TELO2: variants seen among roughly 807,000 people sequenced by gnomAD.
The protein encoded by TELO2 is telomere length regulation protein TEL2 homolog.
In TELO2, 71 loss-of-function variants were observed where a neutral mutation model predicts 91.0. That is an observed-to-expected ratio of 0.78 (90% CI 0.64 to 0.95). The LOEUF (loss-of-function observed/expected upper bound fraction) is 0.95. Among genes scored for constraint, TELO2 ranks in the 40% least tolerant of loss-of-function variants. The probability of loss-of-function intolerance (pLI) is 0.00; values close to 1 mark genes in which losing one functional copy is unlikely to be tolerated. For synonymous variants in TELO2, 584 were observed against 518.9 expected, an observed-to-expected ratio of 1.13 and a Z score of -1.71; for missense variants, 1,183 against 1,141.3, an observed-to-expected ratio of 1.04 and a Z score of -0.53.
rs532227153 is a variant in TELO2, at chr16:1,505,182, G to A, written c.1843-228G>A. On this transcript the variant is annotated intron_variant, in intron 15 of 20. Transcript: ENST00000262319. The surrounding 1 kb of genome is among the most constrained non-coding windows in gnomAD (Gnocchi z 4.3). The stretch of plus-strand genomic sequence containing the variant: ...GATGAGGCTGCGCTCGGCCCTGGGC[G>A]TGTTCTCATCTCCTGGAGCACGGTG... The A allele has an allele frequency of 4.5e-5, 25 of 550,576 alleles. No homozygotes were observed. The highest frequency in any genetic ancestry group is 1.6e-4 in the Admixed American group (5 of 32,102). The allele number at this position is 550,576 out of a possible 1,614,324, so 34.1% of individuals were successfully genotyped here.
intron 15 of TELO2, among the ~76,000 whole-genome samples, chr16:1,504,156 C>A (rs556803296): frequency 4.4e-4 from 66 of 149,024 alleles, no homozygotes; most frequent in Admixed American, 3.1e-3. Context: ...AAAAAGCAGC[C>A]GGCCACGGCG....
chr16:1,506,532 C>T lies in TELO2; in HGVS notation c.2126+203C>T, dbSNP rs2039898917. 17 of 1,438,190 alleles carry T rather than the reference C, an allele frequency of 1.2e-5. No individual in the cohort carries two copies. The South Asian group carries it at 2.5e-4, about 21-fold the overall frequency. The allele number at this position is 1,438,190 out of a possible 1,614,324, so 89.1% of individuals were successfully genotyped here. Reference sequence around the variant, plus strand: ...GTGGTTGAGCTTTGCCATGAGGCACCAGGCATCTGCTCCGATGCTGGGCTT... The same window carrying T: ...GTGGTTGAGCTTTGCCATGAGGCACTAGGCATCTGCTCCGATGCTGGGCTT... On this transcript the variant is annotated intron_variant, in intron 17 of 20. Coordinates refer to ENST00000262319, the MANE Select transcript of TELO2 (RefSeq NM_016111.4).
chr16:1,502,141 C>T lies in TELO2; in HGVS notation c.1561+6C>T, dbSNP rs1187975745. On this transcript the variant is annotated splice_donor_region_variant and intron_variant, in intron 12 of 20. Coordinates refer to ENST00000262319, the MANE Select transcript of TELO2 (RefSeq NM_016111.4). Reference sequence around the variant, plus strand: ...CGTCCGGGACTGCGTGGAAGGTGGGCACGGGCCCCTGGAGGGCCTTGCTGG... The same window carrying T: ...CGTCCGGGACTGCGTGGAAGGTGGGTACGGGCCCCTGGAGGGCCTTGCTGG... 6.2e-7 allele frequency: 1 copy of T among 1,612,656 alleles called. No homozygotes were observed. The highest frequency in any genetic ancestry group is 1.7e-5 in the Admixed American group (1 of 60,020).
intron 7 of TELO2, 79 bp from the exon 8 acceptor site, chr16:1,500,268 C>G (rs2039629466): frequency 6.5e-7 from 1 of 1,530,716 alleles, no homozygotes; most frequent in Admixed American, 2.0e-5. Flanking sequence ...TGGGGCGGAG[C>G]TCCCTCAGAG....
chr16:1,506,828 G>A, intron 17 of TELO2, 124 bp from the exon 18 acceptor site: 1 of 1,434,090 alleles, frequency 7.0e-7, no homozygotes, highest in Non-Finnish European at 9.1e-7. Flanking sequence ...CTCGGTGCAG[G>A]CAAGGCGGTG....
rs1259277848 is a variant in TELO2, at chr16:1,506,299, T to A, written c.2096T>A (p.Phe699Tyr). 1.9e-6 allele frequency: 3 copies of A among 1,613,952 alleles called. No homozygotes were observed. Among genetic ancestry groups the A allele is most frequent in the Non-Finnish European group, 2.5e-6 (3 of 1,179,940 alleles). ...AGATTCAACTCCGTGGCCGGCCACTTCTTCTTCCCCCTCCTTCAGCGCTTT... is the reference window on the plus strand; with the variant it reads ...AGATTCAACTCCGTGGCCGGCCACTACTTCTTCCCCCTCCTTCAGCGCTTT... ...PSRFNSVAGHFFFPLLQRFDR... is the reference protein window; with the variant it reads ...PSRFNSVAGHYFFPLLQRFDR... The change falls in exon 17 of 21, where the codon TTC (phenylalanine) becomes TAC (tyrosine). Residue 699 changes from phenylalanine (F) to tyrosine (Y), a missense_variant. Transcript: ENST00000262319.
intron 20 of TELO2, among the ~76,000 whole-genome samples, chr16:1,508,115 G>A (rs565350758): frequency 8.2e-5 from 12 of 146,156 alleles, no homozygotes; most frequent in African/African-American, 2.5e-4. Flanking sequence ...CCCTCCGGCC[G>A]GTGCAGTCCT....
At chr16:1,504,309 C>T (rs1596265697) in intron 15 of TELO2, among the ~76,000 whole-genome samples, 2 of 150,322 alleles carry the variant, frequency 1.3e-5, no homozygotes, top group African/African-American at 2.4e-5. Context: ...TGGTGCATGC[C>T]TGTAGTCCCA....
rs1268215382 is a variant in TELO2, at chr16:1,500,626, G to A, written c.1208G>A (p.Arg403Gln). 11 of 1,612,474 alleles carry A rather than the reference G, an allele frequency of 6.8e-6. No individual in the cohort carries two copies. The highest frequency in any genetic ancestry group is 6.7e-5 in the African/African-American group (5 of 75,048). ...CRLDSSLPPVRRLGMIVAEVV... is the reference protein window; with the variant it reads ...CRLDSSLPPVQRLGMIVAEVV... Reference sequence around the variant, plus strand: ...CTGGACAGTAGCCTGCCCCCCGTGCGACGCCTGGGCATGATCGTGGCAGAG... The same window carrying A: ...CTGGACAGTAGCCTGCCCCCCGTGCAACGCCTGGGCATGATCGTGGCAGAG... Residue 403 changes from arginine (R) to glutamine (Q), a missense_variant, in exon 9 of 21, where the codon CGA becomes CAA. Transcript: ENST00000262319.
intron 13 of TELO2, 114 bp from the exon 14 acceptor site, chr16:1,502,531 G>GC: frequency 5.3e-6 from 8 of 1,501,512 alleles, no homozygotes; most frequent in Non-Finnish European, 7.2e-6. Flanking sequence ...CTCCCGGGGG[G>GC]CCTGCGGCCT....
At position 1,494,202 on chromosome 16, in the gene TELO2, G is replaced by A. The variant is rs1596246427; in HGVS notation, c.-36-44G>A. ...CCGAGGGGCTTCCTGAGCTTGTGTG[G>A]ATTATTTCCGTGCCCCAAGCTGAGC... On this transcript the variant is annotated intron_variant, in intron 1 of 20. Transcript: ENST00000262319. This position sits in a 1 kb window ranked among gnomAD's most constrained non-coding sequence, Gnocchi z 5.6. 10 of 1,398,268 alleles carry A rather than the reference G, an allele frequency of 7.2e-6. No homozygotes were observed. The highest frequency in any genetic ancestry group is 9.8e-6 in the Non-Finnish European group (10 of 1,016,848). The allele number at this position is 1,398,268 out of a possible 1,614,324, so 86.6% of individuals were successfully genotyped here. A position where few individuals can be genotyped will look rare whatever the true frequency, so the allele number is the denominator to read the frequency against.
In TELO2 at chr16:1,507,624, C is replaced by T. The variant is rs771006115; in HGVS notation, c.2315C>T (p.Ser772Leu). Residue 772 changes from serine to leucine, a missense_variant, in exon 20 of 21, where the codon TCG becomes TTG. Ser to Leu is a moderately radical substitution (Grantham distance 145). Coordinates refer to ENST00000262319, the MANE Select transcript of TELO2 (RefSeq NM_016111.4). The stretch of plus-strand genomic sequence containing the variant: ...AGCTACGTGCGCCAGGGGCTGTTGT[C>T]GGCCGTCTCCTCCGTCCTGCTCAGC... ...IDAYVRQGLL[S>L]AVSSVLLSLP... The T allele has an allele frequency of 2.8e-5, 44 of 1,595,180 alleles. No homozygotes were observed. Among genetic ancestry groups the T allele is most frequent in the East Asian group, 1.1e-4 (5 of 44,672 alleles).
At position 1,494,654 on chromosome 16, in the gene TELO2, C is replaced by T; in HGVS notation, c.335+38C>T. 1.3e-6 allele frequency: 2 copies of T among 1,576,620 alleles called. No homozygotes were observed. The highest frequency in any genetic ancestry group is 1.1e-5 in the South Asian group (1 of 87,068). ...GGCCCATCCTGGGGTTGCCGGTAGC[C>T]TCAGAAGTGATGAGAGTGGCTTGAA... On this transcript the variant is annotated intron_variant, in intron 2 of 20. Transcript: ENST00000262319. The surrounding 1 kb of genome is among the most constrained non-coding windows in gnomAD (Gnocchi z 5.6).
intron 15 of TELO2, among the ~76,000 whole-genome samples, chr16:1,503,425 A>T (rs1315294104): frequency 6.6e-6 from 1 of 152,084 alleles, no homozygotes; most frequent in East Asian, 1.9e-4. Flanking sequence ...GTGGTGGGCG[A>T]CTGTGGTCCC....
Position 1,497,338 on chromosome 16 carries a change from A to G in TELO2, c.683-23A>G. On this transcript the variant is annotated intron_variant, in intron 4 of 20. Coordinates refer to ENST00000262319, the MANE Select transcript of TELO2 (RefSeq NM_016111.4). This position sits in a 1 kb window ranked among gnomAD's most constrained non-coding sequence, Gnocchi z 4.0. ...CAGGTGGGTGCAGCTCCCCAGGCTCAGGTCCTCCGTCTGTCCCCTCAGAGG... is the reference window on the plus strand; with the variant it reads ...CAGGTGGGTGCAGCTCCCCAGGCTCGGGTCCTCCGTCTGTCCCCTCAGAGG... The G allele has an allele frequency of 6.5e-7, 1 of 1,527,380 alleles. No individual in the cohort carries two copies. The highest frequency in any genetic ancestry group is 1.2e-5 in the South Asian group (1 of 81,682). 94.6% of individuals were successfully genotyped at this position (1,527,380 alleles called of 1,614,324 possible).
Position 1,505,595 on chromosome 16 carries a change from C to G in TELO2, c.2028C>G (p.Leu676=). Residue 676 remains leucine (L), a synonymous_variant, in exon 16 of 21, where the codon CTC becomes CTG. Coordinates refer to ENST00000262319, the MANE Select transcript of TELO2 (RefSeq NM_016111.4). This position sits in a 1 kb window ranked among gnomAD's most constrained non-coding sequence, Gnocchi z 4.3. Reference sequence around the variant, plus strand: ...GGATCAGAAGCAAGACCCAGCGGCTCTCCAAGGTTAGTGGCGCCTGGTCAG... The same window carrying G: ...GGATCAGAAGCAAGACCCAGCGGCTGTCCAAGGTTAGTGGCGCCTGGTCAG... ...EERIRSKTQR[L]SKGGPRQGPA... is the part of the protein sequence containing the mutation. The G allele has an allele frequency of 6.2e-7, 1 of 1,611,488 alleles. No individual in the cohort carries two copies. The highest frequency in any genetic ancestry group is 8.5e-7 in the Non-Finnish European group (1 of 1,179,534).
At chr16:1,509,714 C>G (rs1019668103) in intron 20 of TELO2, 116 bp from the exon 21 acceptor site, 2 of 935,508 alleles carry the variant, frequency 2.1e-6, no homozygotes, top group Non-Finnish European at 3.2e-6. Flanking sequence ...GACCCGAGCC[C>G]CCTTTCTTCC....
rs1185730160 is a variant in TELO2 at position 1,494,199 on chromosome 16, G to A, written c.-36-47G>A. The A allele has an allele frequency of 1.5e-6, 2 of 1,378,316 alleles. No individual in the cohort carries two copies. Among genetic ancestry groups the A allele is most frequent in the Non-Finnish European group, 2.0e-6 (2 of 1,001,368 alleles). The allele number at this position is 1,378,316 out of a possible 1,614,324, so 85.4% of individuals were successfully genotyped here. A position where few individuals can be genotyped will look rare whatever the true frequency, so the allele number is the denominator to read the frequency against. On this transcript the variant is annotated intron_variant, in intron 1 of 20. Coordinates refer to ENST00000262319, the MANE Select transcript of TELO2 (RefSeq NM_016111.4). This position sits in a 1 kb window ranked among gnomAD's most constrained non-coding sequence, Gnocchi z 5.6. ...TCACCGAGGGGCTTCCTGAGCTTGTGTGGATTATTTCCGTGCCCCAAGCTG... is the reference window on the plus strand; with the variant it reads ...TCACCGAGGGGCTTCCTGAGCTTGTATGGATTATTTCCGTGCCCCAAGCTG...
At chr16:1,501,995 C>T in intron 11 of TELO2, 52 bp from the exon 12 acceptor site, 2 of 1,608,250 alleles carry the variant, frequency 1.2e-6, no homozygotes, top group Non-Finnish European at 1.7e-6. Flanking sequence ...TGCCGTTGGG[C>T]ACTTCCTGTC....
Sources: gnomAD v4.1 joint callset for allele counts (sites outside exome capture counted in the v4.1 genomes callset) on GRCh38, gnomAD v4.1.1 for gene constraint, Gnocchi (gnomAD v3.1) non-coding constraint, MANE v1.5 for transcripts, NCBI Gene and HGNC (gene_info 2026-07-23, HGNC 2026-07-21) for gene names.